The following SCYL2 variants were observed in gnomAD, a reference collection of about 807,000 sequenced individuals.
SCYL2 encodes SCY1 like pseudokinase 2.
Under a neutral mutation model 100.4 loss-of-function variants are expected in SCYL2, and 36 were observed. The observed-to-expected ratio is 0.36, with a 90% CI of 0.27 to 0.47. The LOEUF (loss-of-function observed/expected upper bound fraction) is 0.47. Among genes scored for constraint, SCYL2 ranks in the 20% least tolerant of loss-of-function variants. The pLI is 1.00. For synonymous variants in SCYL2, 330 were observed against 359.2 expected, an observed-to-expected ratio of 0.92 and a Z score of 0.92; for missense variants, 902 against 1,083.9, an observed-to-expected ratio of 0.83 and a Z score of 2.36.
intron 1 of SCYL2, among the ~76,000 whole-genome samples, chr12:100,281,757 C>T (rs187915903): frequency 0.017 from 2,537 of 151,500 alleles, 69 homozygotes; most frequent in African/African-American, 0.058. Context: ...TGGCGTGAAC[C>T]CGGGAGGCGG....
chr12:100,336,863 G>A (rs1167255769), intron 16 of SCYL2, among the ~76,000 whole-genome samples: 1 of 152,144 alleles, frequency 6.6e-6, no homozygotes, highest in Non-Finnish European at 1.5e-5. Flanking sequence ...AATACTGTAT[G>A]TGTAAAGCTA....
chr12:100,294,691 CGGGG>C (rs2096316198), intron 3 of SCYL2, among the ~76,000 whole-genome samples: 1 of 110,206 alleles, frequency 9.1e-6, no homozygotes, highest in Non-Finnish European at 1.9e-5. Context: ...GCTGGCCGGG[CGGGG>C]GGCTGACCCC....
chr12:100,311,232 G>A, intron 5 of SCYL2, 39 bp downstream of exon 5: 1 of 1,563,318 alleles, frequency 6.4e-7, no homozygotes, highest in South Asian at 1.2e-5. Flanking sequence ...TGAGGCCAGG[G>A]AAATTTTGAT....
chr12:100,294,426 G>C (rs7487030), intron 3 of SCYL2, among the ~76,000 whole-genome samples: 2 of 19,112 alleles, frequency 1.0e-4, no homozygotes, highest in South Asian at 2.1e-3. Flanking sequence ...CTGGCCGGGC[G>C]GGGGGGCTCC....
intron 10 of SCYL2, 135 bp downstream of exon 10, chr12:100,318,060 T>G: frequency 3.9e-6 from 3 of 761,798 alleles, no homozygotes; most frequent in Non-Finnish European, 5.8e-6. Flanking sequence ...TTGAATCACA[T>G]TATTGATATA....
intron 14 of SCYL2, among the ~76,000 whole-genome samples, chr12:100,335,339 A>T (rs1418212930): frequency 3.6e-4 from 54 of 152,080 alleles, no homozygotes; most frequent in Non-Finnish European, 5.9e-5. Context: ...TCTTTGAGTG[A>T]GATGTTAAGC....
At chr12:100,304,193 T>C (rs922427152) in intron 4 of SCYL2, among the ~76,000 whole-genome samples, 1 of 152,138 alleles carries the variant, frequency 6.6e-6, no homozygotes, top group Non-Finnish European at 1.5e-5. Context: ...CTGGCTGGGC[T>C]CCTTGGGGGT....
intron 1 of SCYL2, among the ~76,000 whole-genome samples, chr12:100,272,747 G>T (rs757054668): frequency 1.3e-5 from 2 of 151,748 alleles, no homozygotes; most frequent in Non-Finnish European, 2.9e-5. Flanking sequence ...TTCTTCTCTT[G>T]GTTTTAACTT....
chr12:100,303,799 C>T (rs1278943597), intron 4 of SCYL2, among the ~76,000 whole-genome samples: 1 of 152,166 alleles, frequency 6.6e-6, no homozygotes, highest in East Asian at 1.9e-4. Flanking sequence ...GCTGGGAGAT[C>T]CGCTGCTCTC....
chr12:100,315,758 A>G, intron 9 of SCYL2, 24 bp downstream of exon 9: 2 of 1,549,632 alleles, frequency 1.3e-6, no homozygotes, highest in African/African-American at 2.7e-5. Flanking sequence ...ATTTTTGTGT[A>G]TTTATCTACT....
intron 12 of SCYL2, among the ~76,000 whole-genome samples, 193 bp downstream of exon 12, chr12:100,326,947 A>T (rs1001268944): frequency 1.3e-5 from 2 of 152,188 alleles, no homozygotes; most frequent in Non-Finnish European, 2.9e-5. Flanking sequence ...TAAAGGAATA[A>T]GATATTTAAG....
chr12:100,318,611 C>T (rs2135912857), intron 10 of SCYL2, among the ~76,000 whole-genome samples: 1 of 152,300 alleles, frequency 6.6e-6, no homozygotes, highest in Admixed American at 6.5e-5. Flanking sequence ...GGATTATAAG[C>T]CTGAGCCATT....
chr12:100,297,228 T>A (rs2096321917), intron 3 of SCYL2, among the ~76,000 whole-genome samples: 1 of 152,216 alleles, frequency 6.6e-6, no homozygotes, highest in African/African-American at 2.4e-5. Flanking sequence ...TCATTAGATC[T>A]TTATACTAAC....
intron 10 of SCYL2, among the ~76,000 whole-genome samples, chr12:100,320,318 G>A (rs1027407911): frequency 6.6e-6 from 1 of 152,128 alleles, no homozygotes; most frequent in Non-Finnish European, 1.5e-5. Flanking sequence ...GCCAAGGCAG[G>A]CGGATCACCT....
chr12:100,276,589 T>C (rs1009245101), intron 1 of SCYL2, among the ~76,000 whole-genome samples: 7 of 152,182 alleles, frequency 4.6e-5, no homozygotes, highest in African/African-American at 1.7e-4. Flanking sequence ...CCTCCTGCTT[T>C]AGTGTCCCAG....
At position 100,338,782 on chromosome 12, in the gene SCYL2, A is replaced by T; in HGVS notation, c.2400A>T (p.Thr800=). The T allele has an allele frequency of 6.2e-7, 1 of 1,614,172 alleles. No individual in the cohort carries two copies. The highest frequency in any genetic ancestry group is 1.1e-5 in the South Asian group (1 of 91,086). ...TNQNFYSSPS[T]VGVTKMTLGT... is the part of the protein sequence containing the mutation. ...AGAACTTCTACAGTAGTCCAAGCAC[A>T]GTTGGAGTGACCAAGATGACTCTGG... is the stretch of plus-strand genomic sequence containing the variant. Residue 800 remains threonine (T), a synonymous_variant, in exon 18 of 18, where the codon ACA becomes ACT. Coordinates refer to ENST00000360820, the MANE Select transcript of SCYL2 (RefSeq NM_017988.6).
intron 7 of SCYL2, among the ~76,000 whole-genome samples, chr12:100,314,166 C>A (rs1383821664): frequency 6.6e-6 from 1 of 152,206 alleles, no homozygotes; most frequent in East Asian, 1.9e-4. Context: ...GCATGAGCCA[C>A]CGTGCCCGGG....
chr12:100,327,961 A>G (rs917854844), intron 12 of SCYL2, among the ~76,000 whole-genome samples: 1 of 152,074 alleles, frequency 6.6e-6, no homozygotes, highest in Non-Finnish European at 1.5e-5. Flanking sequence ...GGGATATCGC[A>G]TGAATCTTTT....
chr12:100,313,372 G>T, intron 6 of SCYL2, 50 bp from the exon 7 acceptor site: 1 of 809,670 alleles, frequency 1.2e-6, no homozygotes, highest in Non-Finnish European at 2.0e-6. Flanking sequence ...AAATGTATAT[G>T]TCTTTTTAAA....
Sources: gnomAD v4.1 joint callset for allele counts (sites outside exome capture counted in the v4.1 genomes callset) on GRCh38, gnomAD v4.1.1 for gene constraint, MANE v1.5 for transcripts, NCBI Gene and HGNC (gene_info 2026-07-23, HGNC 2026-07-21) for gene names.